The following PCDHA8 variants were observed in gnomAD, a reference collection of about 807,000 sequenced individuals.
PCDHA8 encodes protocadherin alpha-8.
PCDHA8 carries 53 observed loss-of-function variants against 61.8 expected under a neutral mutation model. The ratio of observed to expected loss-of-function variants is 0.86; its 90% CI spans 0.69 to 1.08. PCDHA8 has a LOEUF of 1.08. Ranked by LOEUF, PCDHA8 falls within the 50% of genes least tolerant of loss-of-function variation. The pLI is 0.00. For synonymous variants in PCDHA8, 618 were observed against 556.6 expected, an observed-to-expected ratio of 1.11 and a Z score of -1.55; for missense variants, 1,293 against 1,245.0, an observed-to-expected ratio of 1.04 and a Z score of -0.58.
chr5:140,960,913 T>C (rs184385777), intron 1 of PCDHA8, among the ~76,000 whole-genome samples: 10 of 152,320 alleles, frequency 6.6e-5, no homozygotes, highest in Admixed American at 2.6e-4. Flanking sequence ...GAGTTTCAGA[T>C]AGAAAATTGG....
chr5:140,973,199 G>A (rs574187280), intron 1 of PCDHA8, among the ~76,000 whole-genome samples: 3 of 152,296 alleles, frequency 2.0e-5, no homozygotes, highest in East Asian at 3.9e-4. Context: ...CACTATGTGT[G>A]CATATTCACC....
chr5:140,981,694 A>C (rs1407083166), intron 2 of PCDHA8, among the ~76,000 whole-genome samples: 1 of 151,154 alleles, frequency 6.6e-6, no homozygotes, highest in Non-Finnish European at 1.5e-5. Context: ...TCCATCATTC[A>C]TTCATTCATT....
At chr5:140,877,696 T>C (rs1554169994) in intron 1 of PCDHA8, 1 of 1,613,838 alleles carries the variant, frequency 6.2e-7, no homozygotes, top group South Asian at 1.1e-5. Flanking sequence ...GCTGGTGTGC[T>C]CCAGCGCCGT....
intron 1 of PCDHA8, chr5:140,929,159 A>C (rs781818133): frequency 1.2e-6 from 2 of 1,613,968 alleles, no homozygotes; most frequent in African/African-American, 1.3e-5. Context: ...ACTTATCTCT[A>C]TCGGGCCTCT....
At chr5:140,995,500 G>A (rs541415385) in intron 3 of PCDHA8, among the ~76,000 whole-genome samples, 22 of 152,298 alleles carry the variant, frequency 1.4e-4, no homozygotes, top group Admixed American at 1.2e-3. Flanking sequence ...AAGGTTGACT[G>A]TGGGTAACTG....
At chr5:140,993,462 T>TCACA (rs3836747) in intron 3 of PCDHA8, among the ~76,000 whole-genome samples, 8,584 of 140,952 alleles carry the variant, frequency 0.061, 300 homozygotes, top group Admixed American at 0.12. Flanking sequence ...TCTTTCTTTC[T>TCACA]CACACACACA....
intron 1 of PCDHA8, among the ~76,000 whole-genome samples, chr5:140,935,340 C>T (rs781819548): frequency 3.3e-5 from 5 of 152,172 alleles, no homozygotes; most frequent in African/African-American, 7.2e-5. Context: ...TTCTCCCATA[C>T]GTCAAATCCC....
rs2150319293 is a variant in PCDHA8 at position 140,841,611 on chromosome 5, G to C, written c.290G>C (p.Gly97Ala). The C allele has an allele frequency of 6.2e-7, 1 of 1,614,018 alleles. No homozygotes were observed. The change falls in exon 1 of 4, where the codon GGG becomes GCG. Residue 97 changes from glycine to alanine, a missense_variant. Gly to Ala is a moderately conservative substitution (Grantham distance 60). Coordinates refer to ENST00000531613, the MANE Select transcript of PCDHA8 (RefSeq NM_018911.3). ...NSRIDREELC[G>A]RSAECSIHLE... is the part of the protein sequence containing the mutation. Reference sequence around the variant, plus strand: ...CGGATCGACCGCGAGGAGCTGTGCGGGCGGAGCGCGGAGTGCAGCATCCAC... The same window carrying C: ...CGGATCGACCGCGAGGAGCTGTGCGCGCGGAGCGCGGAGTGCAGCATCCAC...
intron 1 of PCDHA8, among the ~76,000 whole-genome samples, chr5:140,894,550 T>C (rs943231588): frequency 3.3e-5 from 5 of 151,996 alleles, no homozygotes; most frequent in Non-Finnish European, 5.9e-5. Context: ...TAGTGTTTAC[T>C]TCTGAAAAAA....
rs139533789 is a variant in PCDHA8, at chr5:140,857,716, C to G, written c.2394+14001C>G. ...TGACGCTGCAGGTGTTCGTGCTGGA[C>G]GAGAACGACAACGCTCCCGCGCTGC... On this transcript the variant is annotated intron_variant, in intron 1 of 3. Transcript: ENST00000531613. The G allele has an allele frequency of 3.1e-6, 5 of 1,597,272 alleles. No individual in the cohort carries two copies. Among genetic ancestry groups the G allele is most frequent in the East Asian group, 2.2e-5 (1 of 44,832 alleles).
intron 1 of PCDHA8, among the ~76,000 whole-genome samples, chr5:140,918,864 A>T (rs1225688566): frequency 6.6e-6 from 1 of 152,180 alleles, no homozygotes; most frequent in Non-Finnish European, 1.5e-5. Flanking sequence ...TGAATCATGA[A>T]CTTTCAAGCC....
chr5:140,883,937 G>C, intron 1 of PCDHA8: 3 of 1,613,414 alleles, frequency 1.9e-6, no homozygotes, highest in Non-Finnish European at 2.5e-6. Context: ...GTTCGTGCTG[G>C]ACGAGAACGA....
At chr5:140,862,775 A>C (rs1480702653) in intron 1 of PCDHA8, 4 of 576,960 alleles carry the variant, frequency 6.9e-6, no homozygotes, top group Non-Finnish European at 1.3e-5. Flanking sequence ...TACGCGTTGC[A>C]GCCACTGGAC....
chr5:140,946,298 G>A (rs1670826449), intron 1 of PCDHA8, among the ~76,000 whole-genome samples: 1 of 151,840 alleles, frequency 6.6e-6, no homozygotes, highest in Admixed American at 6.6e-5. Flanking sequence ...CCTCACACCT[G>A]GTAGAATGGC....
Position 140,843,076 on chromosome 5 carries a change from G to C in PCDHA8, c.1755G>C (p.Val585=). Residue 585 remains valine, a synonymous_variant, in exon 1 of 4, where the codon GTG becomes GTC. Coordinates refer to ENST00000531613, the MANE Select transcript of PCDHA8 (RefSeq NM_018911.3). The part of the protein sequence containing the change: ...GAASKLVPRS[V]GAGHVVAKVR... ...CGAGCAAGCTGGTGCCGCGGTCTGT[G>C]GGCGCGGGCCACGTGGTAGCGAAGG... The C allele has an allele frequency of 6.3e-7, 1 of 1,595,332 alleles. No homozygotes were observed. Among genetic ancestry groups the C allele is most frequent in the South Asian group, 1.1e-5 (1 of 90,484 alleles).
intron 1 of PCDHA8, among the ~76,000 whole-genome samples, chr5:140,888,214 G>T (rs2061741689): frequency 6.6e-6 from 1 of 152,130 alleles, no homozygotes; most frequent in African/African-American, 2.4e-5. Context: ...TGGATTTTGT[G>T]TGTGTGTGCA....
intron 1 of PCDHA8, chr5:140,884,436 G>A (rs782218831): frequency 6.2e-7 from 1 of 1,613,888 alleles, no homozygotes; most frequent in East Asian, 2.2e-5. Flanking sequence ...GCGCTGCGGT[G>A]CTCGGCACCG....
chr5:140,934,239 T>C (rs2089722399), intron 1 of PCDHA8, among the ~76,000 whole-genome samples: 1 of 152,146 alleles, frequency 6.6e-6, no homozygotes, highest in Non-Finnish European at 1.5e-5. Context: ...TACTTAATTG[T>C]GGAGATTTAT....
At chr5:140,980,555 G>A (rs1050580342) in intron 2 of PCDHA8, among the ~76,000 whole-genome samples, 1 of 152,068 alleles carries the variant, frequency 6.6e-6, no homozygotes, top group Non-Finnish European at 1.5e-5. Flanking sequence ...GCTTGAACCC[G>A]GGAGGCGGAA....
Sources: gnomAD v4.1 joint callset for allele counts (sites outside exome capture counted in the v4.1 genomes callset) on GRCh38, gnomAD v4.1.1 for gene constraint, MANE v1.5 for transcripts, NCBI Gene and HGNC (gene_info 2026-07-23, HGNC 2026-07-21) for gene names.